The following ANGPT2 variants were observed in gnomAD, a reference collection of about 807,000 sequenced individuals.
ANGPT2 encodes angiopoietin-2.
A neutral mutation model predicts 62.9 loss-of-function variants in ANGPT2; 28 were observed. The ratio of observed to expected loss-of-function variants is 0.44; its 90% CI spans 0.33 to 0.61. ANGPT2 has a LOEUF of 0.61. ANGPT2 is among the 20% of genes least tolerant of loss of function. The pLI is 0.03. For missense variants in ANGPT2, 727 were observed against 594.9 expected (o/e 1.22, Z -2.31); for synonymous variants, 284 against 207.8 (o/e 1.37, Z -3.15).
At chr8:6,522,937 C>A (rs1817640923) in intron 3 of ANGPT2, among the ~76,000 whole-genome samples, 1 of 152,114 alleles carries the variant, frequency 6.6e-6, no homozygotes, top group African/African-American at 2.4e-5. Flanking sequence ...AAAATCTAAC[C>A]AGCGCTATGG....
chr8:6,553,447 C>T (rs997229315), intron 1 of ANGPT2, among the ~76,000 whole-genome samples: 3 of 152,204 alleles, frequency 2.0e-5, no homozygotes, highest in Middle Eastern at 3.4e-3. Context: ...ACTTCAGAGG[C>T]TTGCTGGTCT....
At chr8:6,526,200 G>T (rs965908897) in intron 3 of ANGPT2, among the ~76,000 whole-genome samples, 1 of 147,414 alleles carries the variant, frequency 6.8e-6, no homozygotes, top group Non-Finnish European at 1.5e-5. Flanking sequence ...TGGGCAGAAG[G>T]CTTAAATTCA....
At chr8:6,552,408 CACTT>C (rs1250482969) in intron 1 of ANGPT2, among the ~76,000 whole-genome samples, 2 of 152,196 alleles carry the variant, frequency 1.3e-5, no homozygotes, top group African/African-American at 4.8e-5. Context: ...TTTACACACA[CACTT>C]ACGATGGTCC....
At position 6,519,907 on chromosome 8, in the gene ANGPT2, C is replaced by G; in HGVS notation, c.884G>C (p.Gly295Ala). ...EVFKSGHTTN[G>A]IYTLTFPNST... The stretch of plus-strand genomic sequence containing the variant: ...ATTAGGGAATGTTAACGTGTAGATG[C>G]CATTCGTGGTGTGTCCTGATTTGAA... Residue 295 changes from glycine to alanine, a missense_variant, in exon 5 of 9, where the codon GGC becomes GCC. Coordinates refer to ENST00000629816, the MANE Select transcript of ANGPT2 (RefSeq NM_001118887.2). The G allele has an allele frequency of 1.2e-6, 2 of 1,612,024 alleles. No homozygotes were observed. Among genetic ancestry groups the G allele is most frequent in the Non-Finnish European group, 1.7e-6 (2 of 1,179,056 alleles).
At chr8:6,553,253 A>G (rs979685360) in intron 1 of ANGPT2, among the ~76,000 whole-genome samples, 1 of 152,178 alleles carries the variant, frequency 6.6e-6, no homozygotes, top group African/African-American at 2.4e-5. Flanking sequence ...CTGTGAACCT[A>G]AAACTGCTCT....
rs773644967 is a variant in ANGPT2 at position 6,527,624 on chromosome 8, G to A, written c.497C>T (p.Ser166Leu). 6.2e-6 allele frequency: 10 copies of A among 1,613,848 alleles called. No individual in the cohort carries two copies. Among genetic ancestry groups the A allele is most frequent in the Middle Eastern group, 1.7e-4 (1 of 6,034 alleles). The change falls in exon 3 of 9, where the codon TCG (serine) becomes TTG (leucine). Residue 166 changes from serine to leucine, a missense_variant. Ser to Leu is a moderately radical substitution (Grantham distance 145). Coordinates refer to ENST00000629816, the MANE Select transcript of ANGPT2 (RefSeq NM_001118887.2). ...LELQLLEHSL[S>L]TNKLEKQILD... ...AATCTGTTTTTCCAATTTGTTTGTC[G>A]AGAGGGAGTGTTCCAAGAGCTGAAG... is the stretch of plus-strand genomic sequence containing the variant.
Position 6,499,849 on chromosome 8 carries a change from C to A in ANGPT2, c.*3252G>T, listed in dbSNP as rs1417423906. 23 of 1,612,496 alleles carry A rather than the reference C, an allele frequency of 1.4e-5. No homozygotes were observed. The highest frequency in any genetic ancestry group is 1.9e-5 in the Non-Finnish European group (22 of 1,179,532). On this transcript the variant is annotated 3_prime_UTR_variant, in exon 9 of 9. Transcript: ENST00000629816. The stretch of plus-strand genomic sequence containing the variant: ...ATAAATCTGCTTGTTGTGTCACTTG[C>A]AGGTGCTATGGTCTTTAGAATTGGG...
rs759437348 is a variant in ANGPT2, at chr8:6,519,940, G to T, written c.851C>A (p.Ala284Asp). The change falls in exon 5 of 9, where the codon GCT becomes GAT. Residue 284 changes from alanine to aspartate, a missense_variant. Ala to Asp is a moderately radical substitution (Grantham distance 126). Transcript: ENST00000629816. Reference sequence around the variant, plus strand: ...GGTGTGTCCTGATTTGAATACTTCAGCACAGTCTCTGAAGCTGATTTGTTC... The same window carrying T: ...GGTGTGTCCTGATTTGAATACTTCATCACAGTCTCTGAAGCTGATTTGTTC... ...KEEQISFRDC[A>D]EVFKSGHTTN... 6.2e-7 allele frequency: 1 copy of T among 1,614,094 alleles called. No homozygotes were observed. The highest frequency in any genetic ancestry group is 2.2e-5 in the East Asian group (1 of 44,882).
At chr8:6,508,315 G>A (rs1418295938) in intron 8 of ANGPT2, 1 of 152,560 alleles carries the variant, frequency 6.6e-6, no homozygotes, top group East Asian at 1.9e-4. Context: ...CGGGTGCACT[G>A]GTGGGCGCCT....
At chr8:6,521,925 A>C (rs1334028459) in intron 3 of ANGPT2, among the ~76,000 whole-genome samples, 1 of 152,242 alleles carries the variant, frequency 6.6e-6, no homozygotes, top group Non-Finnish European at 1.5e-5. Context: ...TACTTCTCCC[A>C]GACTCAAGTA....
intron 1 of ANGPT2, among the ~76,000 whole-genome samples, chr8:6,561,859 A>C (rs535409987): frequency 1.1e-3 from 164 of 152,364 alleles, no homozygotes; most frequent in African/African-American, 3.8e-3. Flanking sequence ...ACTCTAGGAA[A>C]CAGTGGGATC....
intron 1 of ANGPT2, among the ~76,000 whole-genome samples, chr8:6,543,692 A>C (rs1004332644): frequency 3.3e-5 from 5 of 152,076 alleles, no homozygotes; most frequent in Non-Finnish European, 5.9e-5. Flanking sequence ...GCTTTTCTGA[A>C]CTATTTAGGA....
chr8:6,560,391 A>C (rs1825340920), intron 1 of ANGPT2, among the ~76,000 whole-genome samples: 1 of 152,200 alleles, frequency 6.6e-6, no homozygotes, highest in Non-Finnish European at 1.5e-5. Context: ...CCTCATGAGA[A>C]AATCAGTGTT....
chr8:6,540,983 C>G (rs896888825), intron 1 of ANGPT2, among the ~76,000 whole-genome samples: 1 of 152,212 alleles, frequency 6.6e-6, no homozygotes, highest in Non-Finnish European at 1.5e-5. Flanking sequence ...GCAGGTGGAG[C>G]CTAGTGGGCA....
At chr8:6,518,817 G>A (rs2442623) in intron 5 of ANGPT2, among the ~76,000 whole-genome samples, 9,097 of 152,178 alleles carry the variant, frequency 0.06, 302 homozygotes, top group African/African-American at 0.077. Context: ...TTATCCAGTA[G>A]TTACATAACA....
intron 5 of ANGPT2, among the ~76,000 whole-genome samples, chr8:6,515,875 CG>C: frequency 6.6e-6 from 1 of 152,136 alleles, no homozygotes; most frequent in Non-Finnish European, 1.5e-5. Context: ...AAGAGGAGAG[CG>C]AAAAGAGAAC....
intron 1 of ANGPT2, among the ~76,000 whole-genome samples, chr8:6,540,305 G>C (rs961546923): frequency 6.6e-6 from 1 of 152,100 alleles, no homozygotes; most frequent in Non-Finnish European, 1.5e-5. Context: ...CCTTCAAAAT[G>C]TTCCATTTAT....
At chr8:6,506,413 C>A (rs537123715) in intron 8 of ANGPT2, among the ~76,000 whole-genome samples, 1 of 152,062 alleles carries the variant, frequency 6.6e-6, no homozygotes, top group African/African-American at 2.4e-5. Flanking sequence ...TTCTCAGTCC[C>A]TAAATCTTGA....
intron 2 of ANGPT2, among the ~76,000 whole-genome samples, chr8:6,530,890 C>G (rs988941952): frequency 6.6e-6 from 1 of 152,212 alleles, no homozygotes. Context: ...CTTATGGCAT[C>G]TCCCCTCTCA....
Sources: allele counts gnomAD v4.1 joint callset (sites outside exome capture counted in the v4.1 genomes callset), GRCh38; gene constraint gnomAD v4.1.1; transcripts MANE v1.5; gene names NCBI Gene and HGNC (gene_info 2026-07-23, HGNC 2026-07-21).